ZNF862: variants seen among roughly 807,000 people sequenced by gnomAD.
ZNF862 encodes zinc finger protein 862.
A neutral mutation model predicts 91.1 loss-of-function variants in ZNF862; 64 were observed. That is an observed-to-expected ratio of 0.70 (90% confidence interval 0.57 to 0.87). The LOEUF is 0.87. ZNF862 is among the 40% of genes least tolerant of loss of function. The pLI is 0.00. For missense variants in ZNF862, 1,459 were observed against 1,528.0 expected (o/e 0.95, Z 0.75); for synonymous variants, 631 against 618.1 (o/e 1.02, Z -0.31).
intron 5 of ZNF862, among the ~76,000 whole-genome samples, chr7:149,856,623 C>T (rs557349196): frequency 6.6e-6 from 1 of 152,352 alleles, no homozygotes; most frequent in African/African-American, 2.4e-5. Context: ...TGTGATCTCT[C>T]CATTTCATTC....
chr7:149,840,843 G>A (rs1801680127), intron 1 of ZNF862: 1 of 624,502 alleles, frequency 1.6e-6, no homozygotes, highest in Non-Finnish European at 2.0e-6. Flanking sequence ...TACACTCTGT[G>A]ATGTTCCACA....
Position 149,850,577 on chromosome 7 carries a change from T to C in ZNF862, c.1117+239T>C, listed in dbSNP as rs1802039054. On this transcript the variant is annotated intron_variant, in intron 5 of 7. Coordinates refer to ENST00000223210, the MANE Select transcript of ZNF862 (RefSeq NM_001099220.3). This position sits in a 1 kb window ranked among gnomAD's most constrained non-coding sequence, Gnocchi z 4.2. ...ACCAAACATTTTGGAGTACCTACTA[T>C]GTGCCAGATGAACACAGCTGATCCA... The C allele has an allele frequency of 2.0e-6, 1 of 492,062 alleles. No homozygotes were observed. The highest frequency in any genetic ancestry group is 3.6e-5 in the Admixed American group (1 of 28,002). The allele number at this position is 492,062 out of a possible 1,614,324, so 30.5% of individuals were successfully genotyped here.
At position 149,861,971 on chromosome 7, in the gene ZNF862, C is replaced by G. The variant is rs373255488; in HGVS notation, c.2811C>G (p.Asp937Glu). Residue 937 changes from aspartate (D) to glutamate (E), a missense_variant, in exon 7 of 8, where the codon GAC becomes GAG. Asp to Glu is a conservative substitution (Grantham distance 45). Coordinates refer to ENST00000223210, the MANE Select transcript of ZNF862 (RefSeq NM_001099220.3). This position sits in a 1 kb window ranked among gnomAD's most constrained non-coding sequence, Gnocchi z 6.7. ...TGIEYLQQRF[D>E]ADRPPQLKNM... ...TTGAGTACCTCCAGCAGAGGTTTGA[C>G]GCAGACCGACCCCCACAGCTGAAGA... The G allele has an allele frequency of 1.2e-6, 2 of 1,613,770 alleles. No homozygotes were observed. Among genetic ancestry groups the G allele is most frequent in the Non-Finnish European group, 8.5e-7 (1 of 1,179,886 alleles).
In ZNF862 at chr7:149,844,676, G is replaced by T. The variant is rs773885826; in HGVS notation, c.76G>T (p.Val26Leu). Residue 26 changes from valine (V) to leucine (L), a missense_variant, in exon 2 of 8, where the codon GTG becomes TTG. By Grantham distance (32) the Val-to-Leu change is conservative. Coordinates refer to ENST00000223210, the MANE Select transcript of ZNF862 (RefSeq NM_001099220.3). ...ITVYLLQEEW[V>L]LLSQQQKELC... ...TGTGTACTTACTCCAGGAGGAATGG[G>T]TGCTGCTGAGCCAGCAACAGAAGGA... The T allele has an allele frequency of 1.9e-6, 3 of 1,605,906 alleles. No individual in the cohort carries two copies. Among genetic ancestry groups the T allele is most frequent in the Non-Finnish European group, 2.6e-6 (3 of 1,176,104 alleles).
rs1460694859 is a variant in ZNF862 at position 149,860,786 on chromosome 7, C to T, written c.1626C>T (p.Ala542=). 1 of 1,613,882 alleles carries T rather than the reference C, an allele frequency of 6.2e-7. No individual in the cohort carries two copies. The highest frequency in any genetic ancestry group is 1.7e-5 in the Admixed American group (1 of 60,028). The change falls in exon 7 of 8, where the codon GCC becomes GCT. Residue 542 remains alanine (A), a synonymous_variant. Coordinates refer to ENST00000223210, the MANE Select transcript of ZNF862 (RefSeq NM_001099220.3). ...VEIKEDTPHT[A]LVPEISSDLM... ...TCAAGGAAGACACCCCTCACACTGC[C>T]CTCGTTCCAGAGATCTCCAGCGACC...
intron 4 of ZNF862, among the ~76,000 whole-genome samples, chr7:149,849,127 G>A (rs1007084451): frequency 2.0e-5 from 3 of 152,176 alleles, no homozygotes; most frequent in Non-Finnish European, 4.4e-5. Context: ...TAAGTTTGGA[G>A]TCATGTTGCA....
At chr7:149,843,285 G>A (rs551302943) in intron 1 of ZNF862, among the ~76,000 whole-genome samples, 25 of 152,252 alleles carry the variant, frequency 1.6e-4, no homozygotes, top group African/African-American at 6.0e-4. Flanking sequence ...ATGGCATGCT[G>A]TTATTTCCCA....
At chr7:149,860,105 T>C in intron 6 of ZNF862, 1 of 466,384 alleles carries the variant, frequency 2.1e-6, no homozygotes, top group South Asian at 3.6e-5. Context: ...TGGTATCTGG[T>C]GTCACATGAT....
Position 149,838,474 on chromosome 7 carries a change from A to G in ZNF862, c.-138A>G. 1 of 498,648 alleles carries G rather than the reference A, an allele frequency of 2.0e-6. No individual in the cohort carries two copies. The highest frequency in any genetic ancestry group is 3.1e-6 in the Non-Finnish European group (1 of 318,120). 30.9% of individuals were successfully genotyped at this position (498,648 alleles called of 1,614,324 possible). A position where few individuals can be genotyped will look rare whatever the true frequency, so the allele number is the denominator to read the frequency against. ...ACCGCCCCCCGACGTGAGAGAGCGA[A>G]GTTCTTGGGCCGCGCTCCCTCCCTA... On this transcript the variant is annotated 5_prime_UTR_variant, in exon 1 of 8. Coordinates refer to ENST00000223210, the MANE Select transcript of ZNF862 (RefSeq NM_001099220.3).
chr7:149,864,061 G>A, intron 7 of ZNF862, 48 bp from the exon 8 acceptor site: 1 of 1,522,912 alleles, frequency 6.6e-7, no homozygotes, highest in South Asian at 1.2e-5. Context: ...GATGTGGAAG[G>A]CGGTCACTGT....
At chr7:149,844,966 G>T in intron 2 of ZNF862, 1 of 484,412 alleles carries the variant, frequency 2.1e-6, no homozygotes, top group South Asian at 2.2e-5. Flanking sequence ...AATCTGGCAG[G>T]CCTGGGCTAG....
rs1192862456 is a variant in ZNF862 at position 149,864,189 on chromosome 7, A to C, written c.3415A>C (p.Arg1139=). Reference sequence around the variant, plus strand: ...CCAGAAGCCACCCATCCTGCCCTCCAGGGAAGCAGCGGAGGTTCTGAAGGA... The same window carrying C: ...CCAGAAGCCACCCATCCTGCCCTCCCGGGAAGCAGCGGAGGTTCTGAAGGA... ...RTQKPPILPS[R]EAAEVLKDCI... is the part of the protein sequence containing the mutation. Residue 1139 remains arginine (R), a synonymous_variant, in exon 8 of 8, where the codon AGG becomes CGG. Coordinates refer to ENST00000223210, the MANE Select transcript of ZNF862 (RefSeq NM_001099220.3). 3 of 1,596,312 alleles carry C rather than the reference A, an allele frequency of 1.9e-6. No homozygotes were observed. The highest frequency in any genetic ancestry group is 1.7e-4 in the Middle Eastern group (1 of 5,782).
chr7:149,846,063 C>A, intron 2 of ZNF862, 88 bp from the exon 3 acceptor site: 1 of 918,792 alleles, frequency 1.1e-6, no homozygotes, highest in Non-Finnish European at 1.7e-6. Context: ...ATGTCGCAGA[C>A]AGATACCTCC....
At chr7:149,842,204 T>C (rs1185703625) in intron 1 of ZNF862, among the ~76,000 whole-genome samples, 2 of 152,120 alleles carry the variant, frequency 1.3e-5, no homozygotes, top group South Asian at 4.1e-4. Flanking sequence ...ATCTAAAGAC[T>C]GGGAATGTAG....
rs778873772 is a variant in ZNF862, at chr7:149,860,664, C to T, written c.1504C>T (p.Arg502Trp). The part of the protein sequence containing the change: ...ERPNLHDKSS[R>W]LVRGYTGPFK... ...ACCTAATCTCCATGATAAATCATCT[C>T]GGTTAGTCAGAGGTTACACGGGGCC... Residue 502 changes from arginine (R) to tryptophan (W), a missense_variant, in exon 7 of 8, where the codon CGG becomes TGG. Coordinates refer to ENST00000223210, the MANE Select transcript of ZNF862 (RefSeq NM_001099220.3). 1.2e-5 allele frequency: 19 copies of T among 1,613,870 alleles called. No individual in the cohort carries two copies. The East Asian group carries it at 2.0e-4, about 17-fold the overall frequency.
chr7:149,840,895 C>T (rs369640610), intron 1 of ZNF862: 1 of 973,238 alleles, frequency 1.0e-6, no homozygotes. Flanking sequence ...GAACTTATCC[C>T]TGTTGTTAAG....
chr7:149,852,809 A>G (rs1274369517), intron 5 of ZNF862: 15 of 152,210 alleles, frequency 9.9e-5, no homozygotes, highest in African/African-American at 3.6e-4. Flanking sequence ...CCTTGCTTTT[A>G]TTTGTAAAGG....
intron 1 of ZNF862, chr7:149,841,610 G>A: frequency 1.0e-6 from 1 of 985,428 alleles, no homozygotes; most frequent in Non-Finnish European, 1.2e-6. Context: ...GCTGCAAGGT[G>A]TGGGTGCTCT....
intron 2 of ZNF862, among the ~76,000 whole-genome samples, chr7:149,845,598 T>G (rs527334778): frequency 6.6e-6 from 1 of 152,242 alleles, no homozygotes; most frequent in African/African-American, 2.4e-5. Flanking sequence ...AGTTTTGTTT[T>G]GCTTTGTTTT....
Sources: allele counts gnomAD v4.1 joint callset (sites outside exome capture counted in the v4.1 genomes callset), GRCh38; gene constraint gnomAD v4.1.1; non-coding constraint Gnocchi (gnomAD v3.1); transcripts MANE v1.5; gene names NCBI Gene and HGNC (gene_info 2026-07-23, HGNC 2026-07-21).